Variants in EGFLAM observed in about 807,000 individuals in gnomAD.
EGFLAM encodes the protein EGF like, fibronectin type III and laminin G domains, also known as pikachurin.
Under a neutral mutation model 113.1 loss-of-function variants are expected in EGFLAM, and 79 were observed. The ratio of observed to expected loss-of-function variants is 0.70; its 90% CI spans 0.58 to 0.84. The LOEUF (loss-of-function observed/expected upper bound fraction) is 0.84. Ranked by LOEUF, EGFLAM falls within the 40% of genes least tolerant of loss-of-function variation. The pLI, the probability that EGFLAM is intolerant of heterozygous loss-of-function variation, is 0.00. For synonymous variants in EGFLAM, 504 were observed against 487.6 expected, an observed-to-expected ratio of 1.03 and a Z score of -0.44; for missense variants, 1,265 against 1,291.6, an observed-to-expected ratio of 0.98 and a Z score of 0.32.
intron 5 of EGFLAM, among the ~76,000 whole-genome samples, chr5:38,361,846 A>G (rs1034645385): frequency 1.3e-5 from 2 of 152,054 alleles, no homozygotes. Flanking sequence ...CTACCTCAGA[A>G]GAGTTGCAGA....
intron 5 of EGFLAM, among the ~76,000 whole-genome samples, chr5:38,363,036 G>A (rs1366673757): frequency 1.3e-5 from 2 of 152,160 alleles, no homozygotes; most frequent in Non-Finnish European, 2.9e-5. Context: ...TTGTATCCAT[G>A]TGTTTGTCAT....
chr5:38,457,716 A>G (rs2112283487), intron 19 of EGFLAM, among the ~76,000 whole-genome samples: 1 of 152,358 alleles, frequency 6.6e-6, no homozygotes, highest in East Asian at 1.9e-4. Flanking sequence ...ATCGTAACAT[A>G]GTATAAAACA....
At chr5:38,396,123 A>T (rs1740956117) in intron 6 of EGFLAM, among the ~76,000 whole-genome samples, 1 of 151,010 alleles carries the variant, frequency 6.6e-6, no homozygotes, top group African/African-American at 2.4e-5. Context: ...AACTACTCAT[A>T]TGAAAACACC....
At chr5:38,359,999 G>T (rs925220238) in intron 5 of EGFLAM, among the ~76,000 whole-genome samples, 3 of 152,118 alleles carry the variant, frequency 2.0e-5, no homozygotes, top group Non-Finnish European at 4.4e-5. Flanking sequence ...ACCTGGGTGG[G>T]TTTTTTAAAG....
At chr5:38,352,876 C>G (rs566937709) in intron 5 of EGFLAM, among the ~76,000 whole-genome samples, 17 of 152,332 alleles carry the variant, frequency 1.1e-4, no homozygotes, top group African/African-American at 4.1e-4. Context: ...CTGGCACAAT[C>G]AGAGACTATT....
chr5:38,328,404 C>T (rs1021079539), intron 1 of EGFLAM, among the ~76,000 whole-genome samples: 1 of 152,158 alleles, frequency 6.6e-6, no homozygotes, highest in Non-Finnish European at 1.5e-5. Context: ...ATATTAGTAG[C>T]CTTCTCTTCT....
chr5:38,381,426 GA>G (rs1740509170), intron 6 of EGFLAM, among the ~76,000 whole-genome samples: 1 of 152,094 alleles, frequency 6.6e-6, no homozygotes, highest in Admixed American at 6.5e-5. Context: ...TAATGCAACC[GA>G]ATACGAAACA....
At chr5:38,458,491 T>A in intron 20 of EGFLAM, 97 bp downstream of exon 20, 1 of 1,218,822 alleles carries the variant, frequency 8.2e-7, no homozygotes, top group Non-Finnish European at 1.1e-6. Context: ...GTTCCCCAAC[T>A]TTGCCTGGCA....
rs776077858 is a variant in EGFLAM at position 38,431,186 on chromosome 5, T to A, written c.2064T>A (p.Asp688Glu). Residue 688 changes from aspartate to glutamate, a missense_variant, in exon 15 of 22, where the codon GAT becomes GAA. Coordinates refer to ENST00000322350, the MANE Select transcript of EGFLAM (RefSeq NM_152403.4). ...GSGTGVLRSE[D>E]PLTLGNWHEL... ...CATCTTCCTTCCACAGGAGTGAAGA[T>A]CCCCTCACCCTGGGCAACTGGCACG... is the stretch of plus-strand genomic sequence containing the variant. The A allele has an allele frequency of 4.3e-6, 7 of 1,613,802 alleles. No homozygotes were observed. The South Asian group carries it at 6.6e-5, about 15-fold the overall frequency.
intron 1 of EGFLAM, among the ~76,000 whole-genome samples, chr5:38,324,115 AT>A (rs1738812383): frequency 6.6e-6 from 1 of 150,534 alleles, no homozygotes; most frequent in South Asian, 2.1e-4. Flanking sequence ...CATTGCAGAG[AT>A]GTGAGGAAAG....
chr5:38,462,757 C>A, intron 20 of EGFLAM, 151 bp from the exon 21 acceptor site: 1 of 841,686 alleles, frequency 1.2e-6, no homozygotes, highest in Non-Finnish European at 1.8e-6. Context: ...CACACATTTG[C>A]TTTTTGCTTT....
chr5:38,405,007 C>G (rs1276107835), intron 6 of EGFLAM, among the ~76,000 whole-genome samples: 3 of 152,154 alleles, frequency 2.0e-5, no homozygotes, highest in African/African-American at 7.2e-5. Context: ...GAGAGGTTTT[C>G]TCACCCACCT....
chr5:38,390,086 G>A (rs984256515), intron 6 of EGFLAM, among the ~76,000 whole-genome samples: 1 of 152,098 alleles, frequency 6.6e-6, no homozygotes, highest in Non-Finnish European at 1.5e-5. Context: ...AAAATTACAG[G>A]TACAGGGGCA....
intron 20 of EGFLAM, among the ~76,000 whole-genome samples, chr5:38,460,479 T>A (rs529250795): frequency 1.1e-4 from 17 of 152,246 alleles, no homozygotes; most frequent in African/African-American, 4.1e-4. Context: ...GGATTTCAGA[T>A]GTTTGGGAGG....
chr5:38,402,614 AG>A (rs1223671876), intron 6 of EGFLAM, among the ~76,000 whole-genome samples: 1 of 152,204 alleles, frequency 6.6e-6, no homozygotes, highest in Non-Finnish European at 1.5e-5. Flanking sequence ...CTTCAATTTT[AG>A]GTAAATTACT....
At chr5:38,398,483 A>G (rs758956193) in intron 6 of EGFLAM, among the ~76,000 whole-genome samples, 2 of 152,366 alleles carry the variant, frequency 1.3e-5, no homozygotes, top group South Asian at 2.1e-4. Context: ...CTTGTCTGGG[A>G]TACAGGGAAG....
At chr5:38,321,972 C>CTATATATTTGTGTA (rs1738754644) in intron 1 of EGFLAM, among the ~76,000 whole-genome samples, 2 of 152,160 alleles carry the variant, frequency 1.3e-5, no homozygotes, top group African/African-American at 4.8e-5. Context: ...TTCATAATGA[C>CTATATATTTGTGTA]CAGAAAGAGC....
At chr5:38,386,921 G>A (rs1023116289) in intron 6 of EGFLAM, among the ~76,000 whole-genome samples, 6 of 152,148 alleles carry the variant, frequency 3.9e-5, no homozygotes, top group South Asian at 2.1e-4. Context: ...ATATGGTGAC[G>A]CACAGATATC....
chr5:38,345,516 C>A (rs1348682058), intron 3 of EGFLAM: 2 of 152,170 alleles, frequency 1.3e-5, no homozygotes. Context: ...AGGGGTTTTA[C>A]ATTCCAGAAA....
Sources: gnomAD v4.1 joint callset for allele counts (sites outside exome capture counted in the v4.1 genomes callset) on GRCh38, gnomAD v4.1.1 for gene constraint, MANE v1.5 for transcripts, NCBI Gene and HGNC (gene_info 2026-07-23, HGNC 2026-07-21) for gene names.